Variants in ARSG observed in about 807,000 individuals in gnomAD.
ARSG encodes the protein arylsulfatase G, also known as ASG.
ARSG carries 37 observed loss-of-function variants against 50.5 expected under a neutral mutation model. The ratio of observed to expected loss-of-function variants is 0.73; its 90% CI spans 0.56 to 0.96. ARSG has a LOEUF of 0.96. Ranked by LOEUF, ARSG falls within the 50% of genes least tolerant of loss-of-function variation. The pLI, the probability that ARSG is intolerant of heterozygous loss-of-function variation, is 0.00. For missense variants in ARSG, 629 were observed against 675.3 expected (o/e 0.93, Z 0.76); for synonymous variants, 225 against 254.6 (o/e 0.88, Z 1.11).
chr17:68,390,961 G>T (rs553347789), intron 9 of ARSG, among the ~76,000 whole-genome samples: 1 of 148,042 alleles, frequency 6.8e-6, no homozygotes, highest in South Asian at 2.2e-4. Flanking sequence ...AGAGACCCAC[G>T]AAGGCAGAAG....
At chr17:68,366,324 C>T (rs1231933665) in intron 6 of ARSG, among the ~76,000 whole-genome samples, 2 of 152,020 alleles carry the variant, frequency 1.3e-5, no homozygotes, top group African/African-American at 2.4e-5. Flanking sequence ...AACTGGTTTG[C>T]AAAATACTTG....
At chr17:68,424,351 G>C (rs1489082045), downstream of ARSG, 2 of 493,464 alleles carry the variant, frequency 4.1e-6, no homozygotes, top group Non-Finnish European at 8.4e-6. Flanking sequence ...CTGCATGCAG[G>C]GCCCCACCGC....
chr17:68,339,475 G>T (rs2078175532), intron 2 of ARSG, among the ~76,000 whole-genome samples: 1 of 152,136 alleles, frequency 6.6e-6, no homozygotes, highest in South Asian at 2.1e-4. Flanking sequence ...GCTAGTTTAT[G>T]TGAACTGCAG....
intron 4 of ARSG, among the ~76,000 whole-genome samples, chr17:68,349,294 A>G (rs1189751980): frequency 6.6e-6 from 1 of 151,992 alleles, no homozygotes; most frequent in Non-Finnish European, 1.5e-5. Context: ...ACTCCATCTC[A>G]AGAAAAAAAA....
Position 68,351,549 on chromosome 17 carries a change from G to T in ARSG, c.455-26G>T, listed in dbSNP as rs199889350. 1.5e-5 allele frequency: 20 copies of T among 1,362,574 alleles called. No homozygotes were observed. In the African/African-American group the frequency reaches 1.6e-4, roughly 11 times the overall value. 84.4% of individuals were successfully genotyped at this position (1,362,574 alleles called of 1,614,324 possible). ...CACATGGAGTCGCAGCCACGTGGGGGTGCTAACCGGTTGCTTCTATTCCAG... is the reference window on the plus strand; with the variant it reads ...CACATGGAGTCGCAGCCACGTGGGGTTGCTAACCGGTTGCTTCTATTCCAG... On this transcript the variant is annotated intron_variant, in intron 4 of 11. Coordinates refer to ENST00000621439, the MANE Select transcript of ARSG (RefSeq NM_001267727.2).
intron 7 of ARSG, 36 bp downstream of exon 7, chr17:68,368,780 T>G (rs1018172626): frequency 1.7e-5 from 28 of 1,603,208 alleles, no homozygotes; most frequent in East Asian, 2.2e-5. Flanking sequence ...TAACTGCCAT[T>G]TAATAGACAA....
chr17:68,314,397 A>G (rs1555767820), intron 2 of ARSG, among the ~76,000 whole-genome samples: 1 of 152,020 alleles, frequency 6.6e-6, no homozygotes, highest in African/African-American at 2.4e-5. Context: ...GTGGCGGCAC[A>G]TGCTTGTAAT....
intron 2 of ARSG, among the ~76,000 whole-genome samples, chr17:68,342,106 C>T (rs1407934766): frequency 6.6e-6 from 1 of 151,910 alleles, no homozygotes; most frequent in East Asian, 1.9e-4. Context: ...AGGAGTGAAC[C>T]ACTACGCCCG....
At chr17:68,375,827 G>A (rs1262648407) in intron 8 of ARSG, among the ~76,000 whole-genome samples, 1 of 152,158 alleles carries the variant, frequency 6.6e-6, no homozygotes, top group Non-Finnish European at 1.5e-5. Flanking sequence ...TGGAGTTTGT[G>A]GCGACCAAGG....
chr17:68,432,519 C>T, the ARSG span, among the ~76,000 whole-genome samples: 33 of 152,164 alleles, frequency 2.2e-4, 1 homozygote, highest in African/African-American at 7.0e-4. Context: ...GAGGTTGAGG[C>T]GGGTGGATCA....
At position 68,420,791 on chromosome 17, in the gene ARSG, T is replaced by G. The variant is rs1349899663; in HGVS notation, c.*328T>G. On this transcript the variant is annotated 3_prime_UTR_variant, in exon 12 of 12. Coordinates refer to ENST00000621439, the MANE Select transcript of ARSG (RefSeq NM_001267727.2). Reference sequence around the variant, plus strand: ...TGATTTTGAGGGTTAAATAAAGGCATACATGAAAATGCCTGGCAAATTACC... The same window carrying G: ...TGATTTTGAGGGTTAAATAAAGGCAGACATGAAAATGCCTGGCAAATTACC... The G allele has an allele frequency of 6.4e-6, 2 of 310,854 alleles. No individual in the cohort carries two copies. Among genetic ancestry groups the G allele is most frequent in the South Asian group, 1.1e-4 (2 of 18,530 alleles). 19.3% of individuals were successfully genotyped at this position (310,854 alleles called of 1,614,324 possible). A position where few individuals can be genotyped will look rare whatever the true frequency, so the allele number is the denominator to read the frequency against.
At chr17:68,287,973 C>G (rs2075879973), upstream of ARSG, among the ~76,000 whole-genome samples, 1 of 150,808 alleles carries the variant, frequency 6.6e-6, no homozygotes, top group Admixed American at 6.6e-5. Context: ...CTCTCTCTCC[C>G]CCTCCCTCCC....
At chr17:68,392,964 C>G (rs1411840171) in intron 9 of ARSG, among the ~76,000 whole-genome samples, 6 of 152,218 alleles carry the variant, frequency 3.9e-5, no homozygotes, top group African/African-American at 1.2e-4. Context: ...CACACTGTTT[C>G]CTCTAAGCCA....
At chr17:68,355,154 A>C (rs540746139) in intron 5 of ARSG, among the ~76,000 whole-genome samples, 2 of 152,238 alleles carry the variant, frequency 1.3e-5, no homozygotes, top group Admixed American at 6.5e-5. Context: ...GATGTGTGCA[A>C]TGCACTAACC....
downstream of ARSG, chr17:68,426,010 T>G: frequency 7.8e-7 from 1 of 1,285,252 alleles, no homozygotes; most frequent in South Asian, 1.2e-5. Flanking sequence ...GCCTCTCGTA[T>G]GAGGCGAAGG....
At chr17:68,331,284 T>C (rs1276957714) in intron 2 of ARSG, among the ~76,000 whole-genome samples, 2 of 150,088 alleles carry the variant, frequency 1.3e-5, no homozygotes. Flanking sequence ...AGAGTCTTGC[T>C]CTGTCACCCA....
chr17:68,357,495 G>C lies in ARSG; in HGVS notation c.704+691G>C, dbSNP rs1292728334. 2.0e-5 allele frequency among the ~76,000 whole-genome samples: 3 copies of C among 152,162 alleles called. No homozygotes were observed. The East Asian group carries it at 5.8e-4, about 29-fold the overall frequency. On this transcript the variant is annotated intron_variant, in intron 6 of 11. Transcript: ENST00000621439. The stretch of plus-strand genomic sequence containing the variant: ...TGTGATGGCGTTTAGGGTCCACCAG[G>C]AGAATCCAAGGTGATCCCCCTACCT...
chr17:68,420,439 T>C lies in ARSG; in HGVS notation c.1554T>C (p.Ile518=). The stretch of plus-strand genomic sequence containing the variant: ...CTCCCTGCTGTAATCCCTACCAAAT[T>C]GCCTGCCGCTGTCAAGCCGCATAAC... The part of the protein sequence containing the change: ...SVTPCCNPYQ[I]ACRCQAA Residue 518 remains isoleucine, a synonymous_variant, in exon 12 of 12, where the codon ATT becomes ATC. Transcript: ENST00000621439. The C allele has an allele frequency of 6.2e-7, 1 of 1,614,018 alleles. No individual in the cohort carries two copies. Among genetic ancestry groups the C allele is most frequent in the Non-Finnish European group, 8.5e-7 (1 of 1,179,878 alleles).
intron 6 of ARSG, among the ~76,000 whole-genome samples, chr17:68,361,077 G>A (rs375234746): frequency 2.6e-5 from 4 of 152,024 alleles, no homozygotes; most frequent in African/African-American, 7.2e-5. Context: ...TACCTGCCTC[G>A]GCCTCCCAAA....
Sources: gnomAD v4.1 joint callset for allele counts (sites outside exome capture counted in the v4.1 genomes callset) on GRCh38, gnomAD v4.1.1 for gene constraint, MANE v1.5 for transcripts, NCBI Gene and HGNC (gene_info 2026-07-23, HGNC 2026-07-21) for gene names.